Variants in LHFPL3 observed in about 807,000 individuals in gnomAD.
LHFPL3 encodes the protein LHFPL tetraspan subfamily member 3.
In LHFPL3, 5 loss-of-function variants were observed where a neutral mutation model predicts 19.3. That is an observed-to-expected ratio of 0.26 (90% CI 0.14 to 0.54). LHFPL3 has a LOEUF of 0.54. LHFPL3 is among the 20% of genes least tolerant of loss of function. LHFPL3 has a pLI of 0.94. For synonymous variants in LHFPL3, 133 were observed against 126.2 expected, an observed-to-expected ratio of 1.05 and a Z score of -0.36; for missense variants, 249 against 307.4, an observed-to-expected ratio of 0.81 and a Z score of 1.42.
At chr7:104,479,396 C>CT (rs35217752) in intron 1 of LHFPL3, among the ~76,000 whole-genome samples, 40,427 of 146,990 alleles carry the variant, frequency 0.28, 6,274 homozygotes, top group Non-Finnish European at 0.37. Context: ...TCTTCCACTT[C>CT]TTTTTTTTTT....
At chr7:104,628,726 A>T (rs186403417) in intron 1 of LHFPL3, among the ~76,000 whole-genome samples, 2 of 152,302 alleles carry the variant, frequency 1.3e-5, no homozygotes, top group African/African-American at 4.8e-5. Context: ...TTCTGTTAAA[A>T]ATAAGTGTAC....
chr7:104,611,920 G>T (rs1442744768), intron 1 of LHFPL3, among the ~76,000 whole-genome samples: 1 of 152,104 alleles, frequency 6.6e-6, no homozygotes, highest in African/African-American at 2.4e-5. Context: ...TGGCATGGAG[G>T]CTCTTTGGGT....
intron 1 of LHFPL3, among the ~76,000 whole-genome samples, chr7:104,680,862 C>T (rs1409484568): frequency 6.6e-6 from 1 of 152,152 alleles, no homozygotes; most frequent in East Asian, 1.9e-4. Context: ...AGGATAAAAA[C>T]ACTGGAAAGG....
At chr7:104,468,901 C>T (rs1021377423) in intron 1 of LHFPL3, among the ~76,000 whole-genome samples, 12 of 152,042 alleles carry the variant, frequency 7.9e-5, no homozygotes, top group East Asian at 1.9e-4. Flanking sequence ...CCTCATGATC[C>T]GCCTGCCTCT....
At chr7:104,719,287 A>T (rs1793444644) in intron 1 of LHFPL3, among the ~76,000 whole-genome samples, 1 of 152,180 alleles carries the variant, frequency 6.6e-6, no homozygotes, top group Non-Finnish European at 1.5e-5. Flanking sequence ...ACACATGTAT[A>T]TATATAATCT....
intron 1 of LHFPL3, among the ~76,000 whole-genome samples, chr7:104,720,193 A>C (rs907879129): frequency 6.6e-6 from 1 of 152,184 alleles, no homozygotes; most frequent in African/African-American, 2.4e-5. Flanking sequence ...CAAAACAGAT[A>C]TATAGACCAA....
intron 1 of LHFPL3, among the ~76,000 whole-genome samples, chr7:104,474,419 C>T (rs1271908777): frequency 6.6e-6 from 1 of 151,978 alleles, no homozygotes; most frequent in East Asian, 1.9e-4. Context: ...AATCCCAGCA[C>T]TTTGGGAGGT....
intron 2 of LHFPL3, among the ~76,000 whole-genome samples, chr7:104,762,772 A>G (rs1794396451): frequency 6.6e-6 from 1 of 152,178 alleles, no homozygotes; most frequent in South Asian, 2.1e-4. Flanking sequence ...AAGATGAAGA[A>G]TCTAAGGTTT....
intron 1 of LHFPL3, among the ~76,000 whole-genome samples, chr7:104,575,205 T>C (rs1790302378): frequency 6.6e-6 from 1 of 152,204 alleles, no homozygotes; most frequent in African/African-American, 2.4e-5. Flanking sequence ...CCATTTAGCC[T>C]GACCCAATTA....
chr7:104,896,960 C>T (rs1213986796), intron 2 of LHFPL3, among the ~76,000 whole-genome samples: 1 of 152,010 alleles, frequency 6.6e-6, no homozygotes, highest in Admixed American at 6.6e-5. Context: ...GTGGCGCACA[C>T]CTGTAGTCCC....
At chr7:104,351,143 G>C (rs1790167162) in intron 1 of LHFPL3, among the ~76,000 whole-genome samples, 1 of 152,098 alleles carries the variant, frequency 6.6e-6, no homozygotes, top group Middle Eastern at 3.2e-3. Context: ...GCAATGAGAA[G>C]GGAATGTGCA....
At chr7:104,778,981 A>G (rs1794677418) in intron 2 of LHFPL3, among the ~76,000 whole-genome samples, 1 of 152,252 alleles carries the variant, frequency 6.6e-6, no homozygotes, top group African/African-American at 2.4e-5. Context: ...CAAATGCCAT[A>G]CATACTCTTT....
intron 1 of LHFPL3, among the ~76,000 whole-genome samples, chr7:104,482,007 C>T (rs1459352393): frequency 6.6e-6 from 1 of 152,200 alleles, no homozygotes; most frequent in Non-Finnish European, 1.5e-5. Flanking sequence ...TTATACTTTT[C>T]CCTGGAGAAT....
Position 104,397,521 on chromosome 7 carries a change from C to G in LHFPL3, c.445+68297C>G, listed in dbSNP as rs560037870. ...AGAATAGAAACATGTAACTGTTGGTCAAGAAGTCTTCAGCCACTTCATATA... is the reference window on the plus strand; with the variant it reads ...AGAATAGAAACATGTAACTGTTGGTGAAGAAGTCTTCAGCCACTTCATATA... On this transcript the variant is annotated intron_variant, in intron 1 of 2. Coordinates refer to ENST00000424859, the MANE Select transcript of LHFPL3 (RefSeq NM_199000.3). 3.9e-5 allele frequency among the ~76,000 whole-genome samples: 6 copies of G among 152,242 alleles called. No individual in the cohort carries two copies. In the East Asian group the frequency reaches 1.2e-3, roughly 29 times the overall value.
At chr7:104,823,239 T>C (rs1322078247) in intron 2 of LHFPL3, among the ~76,000 whole-genome samples, 1 of 152,206 alleles carries the variant, frequency 6.6e-6, no homozygotes, top group East Asian at 1.9e-4. Flanking sequence ...ATTCTTGATG[T>C]TGCAGGTATC....
chr7:104,454,571 T>TGTTTATCA (rs1792504547), intron 1 of LHFPL3, among the ~76,000 whole-genome samples: 1 of 152,202 alleles, frequency 6.6e-6, no homozygotes, highest in Non-Finnish European at 1.5e-5. Flanking sequence ...TCAGCTTTAC[T>TGTTTATCA]GTTTATCAGT....
chr7:104,550,923 A>G (rs1215934059), intron 1 of LHFPL3, among the ~76,000 whole-genome samples: 1 of 152,100 alleles, frequency 6.6e-6, no homozygotes, highest in Non-Finnish European at 1.5e-5. Flanking sequence ...CCCTTCAAAC[A>G]ATCTTCTTAT....
intron 1 of LHFPL3, among the ~76,000 whole-genome samples, chr7:104,476,944 G>T (rs1210139950): frequency 6.6e-6 from 1 of 152,110 alleles, no homozygotes; most frequent in Non-Finnish European, 1.5e-5. Flanking sequence ...GATCTGTGTT[G>T]AACATCTCAT....
intron 1 of LHFPL3, among the ~76,000 whole-genome samples, chr7:104,414,639 A>G (rs1041645287): frequency 2.6e-5 from 4 of 152,220 alleles, no homozygotes; most frequent in African/African-American, 9.6e-5. Context: ...TAAATTGACT[A>G]GAGTATCTGT....
Sources: gnomAD v4.1 joint callset for allele counts (sites outside exome capture counted in the v4.1 genomes callset) on GRCh38, gnomAD v4.1.1 for gene constraint, MANE v1.5 for transcripts, NCBI Gene and HGNC (gene_info 2026-07-23, HGNC 2026-07-21) for gene names.